The following DYNC1I1 variants were observed in gnomAD, a reference collection of about 807,000 sequenced individuals.
DYNC1I1 encodes cytoplasmic dynein 1 intermediate chain 1.
A neutral mutation model predicts 86.6 loss-of-function variants in DYNC1I1; 43 were observed. The ratio of observed to expected loss-of-function variants is 0.50; its 90% CI spans 0.39 to 0.64. The LOEUF is 0.64. DYNC1I1 is among the 30% of genes least tolerant of loss of function. The probability of loss-of-function intolerance (pLI) is 0.00; values close to 1 mark genes in which losing one functional copy is unlikely to be tolerated. For missense variants in DYNC1I1, 604 were observed against 788.8 expected (o/e 0.77, Z 2.81); for synonymous variants, 262 against 283.7 (o/e 0.92, Z 0.77).
intron 6 of DYNC1I1, among the ~76,000 whole-genome samples, chr7:95,900,100 G>A (rs958944133): frequency 3.9e-5 from 6 of 152,140 alleles, no homozygotes; most frequent in African/African-American, 1.4e-4. Flanking sequence ...GCCACAGCTT[G>A]GGGAGCTTGT....
At chr7:95,887,185 G>C (rs1039373428) in intron 6 of DYNC1I1, among the ~76,000 whole-genome samples, 4 of 152,150 alleles carry the variant, frequency 2.6e-5, no homozygotes, top group African/African-American at 7.2e-5. Flanking sequence ...AAAATATACA[G>C]ATGTCTGGGC....
At chr7:96,003,103 A>G (rs765246369) in intron 10 of DYNC1I1, among the ~76,000 whole-genome samples, 8 of 152,206 alleles carry the variant, frequency 5.3e-5, no homozygotes, top group Non-Finnish European at 7.3e-5. Context: ...TCAGCCTTCC[A>G]AAATGCTGGG....
chr7:95,977,415 A>G, intron 6 of DYNC1I1, 97 bp from the exon 7 acceptor site: 7 of 1,066,046 alleles, frequency 6.6e-6, no homozygotes, highest in South Asian at 1.6e-5. Flanking sequence ...GCCCTAAATG[A>G]TTGGAACTTT....
chr7:95,991,389 G>C (rs1793726053), intron 9 of DYNC1I1, among the ~76,000 whole-genome samples: 1 of 152,198 alleles, frequency 6.6e-6, no homozygotes, highest in Admixed American at 6.5e-5. Context: ...AGGTTAAGTA[G>C]ACAGAGGAAT....
chr7:95,938,538 C>T (rs1186106811), intron 6 of DYNC1I1, among the ~76,000 whole-genome samples: 1 of 152,116 alleles, frequency 6.6e-6, no homozygotes, highest in Non-Finnish European at 1.5e-5. Flanking sequence ...GATGAGGTAA[C>T]TTGGCATCAG....
chr7:96,099,330 C>G (rs1429156493), downstream of DYNC1I1, among the ~76,000 whole-genome samples: 1 of 152,190 alleles, frequency 6.6e-6, no homozygotes, highest in African/African-American at 2.4e-5. Flanking sequence ...TGCAGGCCAT[C>G]CCCTGTTGAA....
chr7:95,781,873 C>T (rs1250579747), intron 1 of DYNC1I1, among the ~76,000 whole-genome samples: 4 of 152,100 alleles, frequency 2.6e-5, no homozygotes, highest in Non-Finnish European at 4.4e-5. Flanking sequence ...AAGATGTCAA[C>T]GCTGTCAGGG....
intron 14 of DYNC1I1, among the ~76,000 whole-genome samples, chr7:96,060,827 C>A (rs547810414): frequency 5.7e-4 from 87 of 152,166 alleles, no homozygotes; most frequent in African/African-American, 2.0e-3. Context: ...AAAACCCTTG[C>A]TCTACATGCA....
intron 11 of DYNC1I1, among the ~76,000 whole-genome samples, chr7:96,028,788 G>A (rs1213073169): frequency 6.6e-6 from 1 of 152,168 alleles, no homozygotes; most frequent in Non-Finnish European, 1.5e-5. Flanking sequence ...TGTGGTGTAA[G>A]TCTCAACATA....
intron 7 of DYNC1I1, among the ~76,000 whole-genome samples, chr7:95,984,356 G>T (rs1419331052): frequency 1.3e-5 from 2 of 152,040 alleles, no homozygotes; most frequent in Admixed American, 1.3e-4. Flanking sequence ...AATTTACTCA[G>T]TAGAAAAAGG....
In DYNC1I1 at chr7:96,098,066, A is replaced by G. The variant is rs1039788144; in HGVS notation, c.*473A>G. The G allele has an allele frequency of 1.2e-5, 12 of 989,090 alleles. No homozygotes were observed. In the East Asian group the frequency reaches 5.6e-4, roughly 46 times the overall value. 61.3% of individuals were successfully genotyped at this position (989,090 alleles called of 1,614,324 possible). A position where few individuals can be genotyped will look rare whatever the true frequency, so the allele number is the denominator to read the frequency against. On this transcript the variant is annotated 3_prime_UTR_variant, in exon 17 of 17. Transcript: ENST00000447467. ...CATTATGAATGGATTTACTAGAAGAACATTGCTGCTCCTTATTTATTGTAG... is the reference window on the plus strand; with the variant it reads ...CATTATGAATGGATTTACTAGAAGAGCATTGCTGCTCCTTATTTATTGTAG...
At chr7:95,930,486 G>C (rs1024756162) in intron 6 of DYNC1I1, among the ~76,000 whole-genome samples, 1 of 152,316 alleles carries the variant, frequency 6.6e-6, no homozygotes, top group Admixed American at 6.5e-5. Flanking sequence ...CCGCAGAAAT[G>C]CTTTTTCCTC....
chr7:95,949,052 G>A (rs1792481480), intron 6 of DYNC1I1, among the ~76,000 whole-genome samples: 1 of 152,154 alleles, frequency 6.6e-6, no homozygotes, highest in Non-Finnish European at 1.5e-5. Flanking sequence ...ACTTCACTCT[G>A]CAGAGGAGGG....
At chr7:96,064,283 G>T (rs559546830) in intron 14 of DYNC1I1, among the ~76,000 whole-genome samples, 10 of 150,400 alleles carry the variant, frequency 6.6e-5, no homozygotes, top group African/African-American at 2.2e-4. Context: ...AAATTTGTGT[G>T]TTTCAGGGAC....
intron 7 of DYNC1I1, among the ~76,000 whole-genome samples, chr7:95,980,910 G>A (rs1214567642): frequency 6.6e-6 from 1 of 151,954 alleles, no homozygotes; most frequent in East Asian, 1.9e-4. Context: ...TTTTAGTTTG[G>A]TTTGGTTTCT....
chr7:96,042,087 C>G (rs1789068936), intron 14 of DYNC1I1, among the ~76,000 whole-genome samples: 1 of 151,916 alleles, frequency 6.6e-6, no homozygotes, highest in Non-Finnish European at 1.5e-5. Context: ...TTTTTTTAAA[C>G]TACCAAAAAA....
chr7:95,823,333 C>T (rs1263908504), intron 4 of DYNC1I1, among the ~76,000 whole-genome samples: 1 of 152,168 alleles, frequency 6.6e-6, no homozygotes. Flanking sequence ...CAGTCCAATG[C>T]CTGGCTGGCT....
intron 10 of DYNC1I1, among the ~76,000 whole-genome samples, chr7:95,998,719 G>T (rs1198966115): frequency 6.6e-6 from 1 of 152,190 alleles, no homozygotes; most frequent in Non-Finnish European, 1.5e-5. Flanking sequence ...TAATTTTGGA[G>T]TAATTGCGTA....
chr7:96,024,696 T>G (rs1473329828), intron 10 of DYNC1I1, among the ~76,000 whole-genome samples: 1 of 152,192 alleles, frequency 6.6e-6, no homozygotes, highest in African/African-American at 2.4e-5. Context: ...AATAATTTTT[T>G]TAGATTTTAT....
Sources: allele counts gnomAD v4.1 joint callset (sites outside exome capture counted in the v4.1 genomes callset), GRCh38; gene constraint gnomAD v4.1.1; transcripts MANE v1.5; gene names NCBI Gene and HGNC (gene_info 2026-07-23, HGNC 2026-07-21).